MCF2L: variants seen among roughly 807,000 people sequenced by gnomAD.
MCF2L encodes guanine nucleotide exchange factor DBS.
Under a neutral mutation model 153.4 loss-of-function variants are expected in MCF2L, and 97 were observed. That is an observed-to-expected ratio of 0.63 (90% CI 0.54 to 0.75). The LOEUF (loss-of-function observed/expected upper bound fraction) is 0.75. Among genes scored for constraint, MCF2L ranks in the 30% least tolerant of loss-of-function variants. The probability of loss-of-function intolerance (pLI) is 0.00; values close to 1 mark genes in which losing one functional copy is unlikely to be tolerated. For missense variants in MCF2L, 1,347 were observed against 1,495.2 expected, an observed-to-expected ratio of 0.90 and a Z score of 1.64; for synonymous variants, 659 against 632.2, an observed-to-expected ratio of 1.04 and a Z score of -0.64.
chr13:113,089,849 AG>A, intron 26 of MCF2L, 121 bp downstream of exon 26: 1 of 1,612,470 alleles, frequency 6.2e-7, no homozygotes, highest in Non-Finnish European at 8.5e-7. Flanking sequence ...CAGAGCATTC[AG>A]GGCCCCTTGC....
At chr13:112,922,894 A>T (rs1435452648) in intron 2 of MCF2L, among the ~76,000 whole-genome samples, 1 of 152,248 alleles carries the variant, frequency 6.6e-6, no homozygotes, top group African/African-American at 2.4e-5. Context: ...GAATGCAAAG[A>T]TGGTTAACAT....
chr13:112,969,169 G>A (rs532968556), upstream of MCF2L: 3 of 562,998 alleles, frequency 5.3e-6, no homozygotes, highest in East Asian at 1.9e-4. This position sits in a 1 kb window ranked among gnomAD's most constrained non-coding sequence, Gnocchi z 4.8. Context: ...CCGCCGAGCC[G>A]CCCCCCGCCC....
intron 1 of MCF2L, among the ~76,000 whole-genome samples, chr13:112,898,018 G>A (rs2081084266): frequency 6.6e-6 from 1 of 152,204 alleles, no homozygotes. Context: ...TCATGGCTTT[G>A]CAGCCTTCAC....
In MCF2L at chr13:113,075,014, C is replaced by T. The variant is rs1253157739; in HGVS notation, c.1133C>T (p.Ala378Val). 1.9e-6 allele frequency: 3 copies of T among 1,605,070 alleles called. No homozygotes were observed. Among genetic ancestry groups the T allele is most frequent in the Non-Finnish European group, 2.6e-6 (3 of 1,173,616 alleles). ...EEKSGVAVER[A>V]RALSLDGEQL... The stretch of plus-strand genomic sequence containing the variant: ...CGTCCACAGGTGGCCGTGGAGAGGG[C>T]CCGGGCCCTGTCTCTGGACGGCGAG... Residue 378 changes from alanine to valine, a missense_variant, in exon 11 of 30, where the codon GCC becomes GTC. Transcript: ENST00000535094.
intron 12 of MCF2L, among the ~76,000 whole-genome samples, chr13:113,076,841 G>A (rs114486711): frequency 1.2e-3 from 181 of 152,364 alleles, no homozygotes; most frequent in African/African-American, 4.0e-3. Context: ...GCCCTTTCCC[G>A]AGGCCGGGGC....
intron 26 of MCF2L, 95 bp downstream of exon 26, chr13:113,089,823 G>A: frequency 1.9e-6 from 3 of 1,607,172 alleles, no homozygotes; most frequent in Admixed American, 1.7e-5. Flanking sequence ...GCTTCCTGCA[G>A]TGTGAAGAAG....
chr13:113,051,429 G>C (rs749697420), intron 4 of MCF2L, among the ~76,000 whole-genome samples: 1 of 152,164 alleles, frequency 6.6e-6, no homozygotes, highest in Non-Finnish European at 1.5e-5. Flanking sequence ...CGCTGAGAGC[G>C]TCTATTTAAA....
intron 1 of MCF2L, among the ~76,000 whole-genome samples, chr13:112,994,977 C>G (rs910603080): frequency 6.6e-6 from 1 of 152,250 alleles, no homozygotes. Flanking sequence ...GGAGACTTCC[C>G]CAGGTTTGGC....
At chr13:113,037,163 T>C (rs1255077401) in intron 3 of MCF2L, among the ~76,000 whole-genome samples, 1 of 152,158 alleles carries the variant, frequency 6.6e-6, no homozygotes, top group Non-Finnish European at 1.5e-5. Flanking sequence ...CTGTGCACAG[T>C]GGAGCCCCAC....
chr13:113,096,181 A>C (rs2035634535), intron 27 of MCF2L, 190 bp from the exon 28 acceptor site: 2 of 602,030 alleles, frequency 3.3e-6, no homozygotes, highest in African/African-American at 1.9e-5. Context: ...GACGCCTTCC[A>C]TCGCCGCTGC....
intron 1 of MCF2L, among the ~76,000 whole-genome samples, chr13:112,989,388 G>C (rs1437940339): frequency 1.6e-5 from 2 of 123,140 alleles, no homozygotes; most frequent in East Asian, 5.2e-4. Flanking sequence ...CTGAGCAGGG[G>C]ATGGAGCTAC....
At position 112,932,309 on chromosome 13, in the gene MCF2L, A is replaced by G. The variant is rs1208729859; in HGVS notation, c.169+29938A>G. Among the ~76,000 whole-genome samples, 1 of 152,196 alleles carries G rather than the reference A, an allele frequency of 6.6e-6. No homozygotes were observed. The highest frequency in any genetic ancestry group is 2.4e-5 in the African/African-American group (1 of 41,450). On this transcript the variant is annotated intron_variant, in intron 2 of 29. Transcript: ENST00000375608. The surrounding 1 kb of genome is among the most constrained non-coding windows in gnomAD (Gnocchi z 4.6). The stretch of plus-strand genomic sequence containing the variant: ...CCACTCCAATCATGAGAAGGACGTC[A>G]GAGTTCCAACAGAGGCTTCCAGTAT...
rs1262337903 is a variant in MCF2L at position 112,969,549 on chromosome 13, G to T, written c.79+91G>T. 22 of 1,527,730 alleles carry T rather than the reference G, an allele frequency of 1.4e-5. No individual in the cohort carries two copies. Among genetic ancestry groups the T allele is most frequent in the Non-Finnish European group, 1.9e-5 (22 of 1,131,908 alleles). 94.6% of individuals were successfully genotyped at this position (1,527,730 alleles called of 1,614,324 possible). ...GAAATGCGTCTGATTTTTGTAAGCC[G>T]CCCTCGTGTTCCTTTCTAGCCGTGG... On this transcript the variant is annotated intron_variant, in intron 1 of 29. Transcript: ENST00000535094. The surrounding 1 kb of genome is among the most constrained non-coding windows in gnomAD (Gnocchi z 4.8).
chr13:112,953,262 A>G (rs1222323159), intron 2 of MCF2L, among the ~76,000 whole-genome samples: 4 of 152,166 alleles, frequency 2.6e-5, no homozygotes. Context: ...GCCATCTGAC[A>G]ACTGTGTCAG....
chr13:113,024,802 A>G (rs749810481), intron 3 of MCF2L, 44 bp downstream of exon 3: 47 of 1,466,528 alleles, frequency 3.2e-5, no homozygotes, highest in Non-Finnish European at 4.3e-5. Context: ...TTTGGGGCAG[A>G]GTCCCTGTGA....
At chr13:113,093,055 T>G (rs1050692064) in intron 26 of MCF2L, among the ~76,000 whole-genome samples, 1 of 152,224 alleles carries the variant, frequency 6.6e-6, no homozygotes, top group Non-Finnish European at 1.5e-5. Flanking sequence ...AATCAGACTT[T>G]TGGTTCTGTC....
At chr13:113,075,214 A>C in intron 11 of MCF2L, 25 bp downstream of exon 11, 4 of 1,545,634 alleles carry the variant, frequency 2.6e-6, no homozygotes, top group South Asian at 1.2e-5. Context: ...ACCCCACCCC[A>C]CTCCCCCCCA....
In MCF2L at chr13:112,993,502, T is replaced by C. The variant is rs1339249800; in HGVS notation, c.80-21261T>C. ...GGAAACAAGTGGCTTAGGACCACCC[T>C]AGTCGTTCAGGCGTGGGATGAGGCT... On this transcript the variant is annotated intron_variant, in intron 1 of 29. Coordinates refer to ENST00000535094, the MANE Select transcript of MCF2L (RefSeq NM_001112732.3). This position sits in a 1 kb window ranked among gnomAD's most constrained non-coding sequence, Gnocchi z 4.6. Among the ~76,000 whole-genome samples the C allele has an allele frequency of 6.6e-6, 1 of 151,992 alleles. No homozygotes were observed. The highest frequency in any genetic ancestry group is 6.6e-5 in the Admixed American group (1 of 15,262).
intron 2 of MCF2L, among the ~76,000 whole-genome samples, chr13:113,019,981 A>G (rs2084775645): frequency 1.3e-5 from 2 of 152,194 alleles, no homozygotes; most frequent in Non-Finnish European, 2.9e-5. Context: ...GGCCGCCCAG[A>G]CAGACCAACA....
Sources: gnomAD v4.1 joint callset for allele counts (sites outside exome capture counted in the v4.1 genomes callset) on GRCh38, gnomAD v4.1.1 for gene constraint, Gnocchi (gnomAD v3.1) non-coding constraint, MANE v1.5 for transcripts, NCBI Gene and HGNC (gene_info 2026-07-23, HGNC 2026-07-21) for gene names.